Variants in GLTP observed in about 807,000 individuals in gnomAD.
The protein encoded by GLTP is glycolipid transfer protein.
GLTP carries 22 observed loss-of-function variants against 24.0 expected under a neutral mutation model. The observed-to-expected ratio is 0.92, with a 90% CI of 0.65 to 1.31. GLTP has a LOEUF of 1.31. GLTP is among the 50% of genes most tolerant of loss of function. The probability of loss-of-function intolerance (pLI) is 0.00; values close to 1 mark genes in which losing one functional copy is unlikely to be tolerated. For missense variants in GLTP, 224 were observed against 276.6 expected, an observed-to-expected ratio of 0.81 and a Z score of 1.35; for synonymous variants, 92 against 115.9, an observed-to-expected ratio of 0.79 and a Z score of 1.33.
rs941165420 is a variant in GLTP, at chr12:109,855,127, G to A, written c.447+492C>T. 1.3e-5 allele frequency among the ~76,000 whole-genome samples: 2 copies of A among 152,238 alleles called. No individual in the cohort carries two copies. The highest frequency in any genetic ancestry group is 4.8e-5 in the African/African-American group (2 of 41,468). ...CAACTGTAGGGCCCTCACCTAACCAGGCAGGTGCTGAAGCCTCACCTCCAG... is the reference window on the plus strand; with the variant it reads ...CAACTGTAGGGCCCTCACCTAACCAAGCAGGTGCTGAAGCCTCACCTCCAG... On this transcript the variant is annotated intron_variant, in intron 4 of 4. Coordinates refer to ENST00000318348, the MANE Select transcript of GLTP (RefSeq NM_016433.4). This position sits in a 1 kb window ranked among gnomAD's most constrained non-coding sequence, Gnocchi z 4.1.
rs146792003 is a variant in GLTP, at chr12:109,854,812, C to T, written c.447+807G>A. On this transcript the variant is annotated intron_variant, in intron 4 of 4. Coordinates refer to ENST00000318348, the MANE Select transcript of GLTP (RefSeq NM_016433.4). ...GGGGTGGATGGCCCAGGGGCTGCCA[C>T]GCATCTCACCCTATGACCAGCTCTT... Among the ~76,000 whole-genome samples, 154 of 152,302 alleles carry T rather than the reference C, an allele frequency of 1.0e-3. 1 individual carries two copies. In the East Asian group the frequency reaches 0.024, roughly 23 times the overall value.
In GLTP at chr12:109,877,712, A is replaced by G. The variant is rs547156332; in HGVS notation, c.103+2560T>C. On this transcript the variant is annotated intron_variant, in intron 1 of 4. Coordinates refer to ENST00000318348, the MANE Select transcript of GLTP (RefSeq NM_016433.4). The stretch of plus-strand genomic sequence containing the variant: ...CCTCACCCCAGAGCAGCTCCATTCA[A>G]GAGACACACACACCACCCAGATCAT... 5.9e-5 allele frequency among the ~76,000 whole-genome samples: 9 copies of G among 152,248 alleles called. No homozygotes were observed. In the East Asian group the frequency reaches 1.2e-3, roughly 20 times the overall value.
At chr12:109,865,020 G>A (rs865920157) in intron 1 of GLTP, among the ~76,000 whole-genome samples, 3 of 152,110 alleles carry the variant, frequency 2.0e-5, no homozygotes, top group Non-Finnish European at 4.4e-5. Context: ...GCCTCTAAGA[G>A]TTTAAATTCA....
chr12:109,854,973 G>A lies in GLTP; in HGVS notation c.447+646C>T, dbSNP rs184615023. On this transcript the variant is annotated intron_variant, in intron 4 of 4. Transcript: ENST00000318348. ...AGGCAGAGGGAGCTGCAGCAGAAAGGGTGGCCAGAACAGGCCGGGCAGGAA... is the reference window on the plus strand; with the variant it reads ...AGGCAGAGGGAGCTGCAGCAGAAAGAGTGGCCAGAACAGGCCGGGCAGGAA... Among the ~76,000 whole-genome samples, 358 of 152,346 alleles carry A rather than the reference G, an allele frequency of 2.3e-3. 1 individual carries two copies. The highest frequency in any genetic ancestry group is 8.5e-3 in the African/African-American group (353 of 41,590).
rs1892835355 is a variant in GLTP at position 109,858,733 on chromosome 12, C to G, written c.112G>C (p.Gly38Arg). 6.2e-7 allele frequency: 1 copy of G among 1,609,500 alleles called. No homozygotes were observed. The highest frequency in any genetic ancestry group is 8.5e-7 in the Non-Finnish European group (1 of 1,176,010). ...TTGATGGGAGTAAACACTGGGGACCCAAGGCAATCTGGGGACAAAATGAGA... is the reference window on the plus strand; with the variant it reads ...TTGATGGGAGTAAACACTGGGGACCGAAGGCAATCTGGGGACAAAATGAGA... ...SHLPPFFDCL[G>R]SPVFTPIKAD... The change falls in exon 2 of 5, where the codon GGG becomes CGG. Residue 38 changes from glycine to arginine, a missense_variant. Coordinates refer to ENST00000318348, the MANE Select transcript of GLTP (RefSeq NM_016433.4).
intron 4 of GLTP, among the ~76,000 whole-genome samples, chr12:109,853,983 C>T (rs570008502): frequency 7.4e-5 from 1 of 13,570 alleles, no homozygotes; most frequent in South Asian, 4.3e-3. Flanking sequence ...CTCAGGTGAT[C>T]CACCTACCTG....
At chr12:109,874,563 A>C (rs531496425) in intron 1 of GLTP, among the ~76,000 whole-genome samples, 1 of 152,146 alleles carries the variant, frequency 6.6e-6, no homozygotes, top group Non-Finnish European at 1.5e-5. Flanking sequence ...GACTCTCCCT[A>C]AACAGTGAGA....
At position 109,857,116 on chromosome 12, in the gene GLTP, C is replaced by T. The variant is rs754389786; in HGVS notation, c.296+410G>A. 6.6e-6 allele frequency among the ~76,000 whole-genome samples: 1 copy of T among 152,194 alleles called. No individual in the cohort carries two copies. Among genetic ancestry groups the T allele is most frequent in the African/African-American group, 2.4e-5 (1 of 41,452 alleles). ...ATAACATACAAATCCACTTTGTACG[C>T]GTGACCAGCCCTAAACAGGACACCT... On this transcript the variant is annotated intron_variant, in intron 3 of 4. Transcript: ENST00000318348. This position sits in a 1 kb window ranked among gnomAD's most constrained non-coding sequence, Gnocchi z 4.3.
At chr12:109,867,800 C>T (rs1334327804) in intron 1 of GLTP, among the ~76,000 whole-genome samples, 5 of 141,196 alleles carry the variant, frequency 3.5e-5, no homozygotes, top group South Asian at 2.2e-4. Context: ...TTTTTTGAGA[C>T]GGAGTCTCGC....
chr12:109,857,851 C>T lies in GLTP; in HGVS notation c.163-192G>A, dbSNP rs1004527134. On this transcript the variant is annotated intron_variant, in intron 2 of 4. Coordinates refer to ENST00000318348, the MANE Select transcript of GLTP (RefSeq NM_016433.4). This position sits in a 1 kb window ranked among gnomAD's most constrained non-coding sequence, Gnocchi z 4.3. Reference sequence around the variant, plus strand: ...GGATTTGCAAAATGCTTTACAGGCACTACCTTATATGATCCTGGTGGCAAA... The same window carrying T: ...GGATTTGCAAAATGCTTTACAGGCATTACCTTATATGATCCTGGTGGCAAA... The T allele has an allele frequency of 8.1e-6, 5 of 618,824 alleles. No individual in the cohort carries two copies. The highest frequency in any genetic ancestry group is 2.7e-5 in the Admixed American group (1 of 36,720). 38.3% of individuals were successfully genotyped at this position (618,824 alleles called of 1,614,324 possible). A position where few individuals can be genotyped will look rare whatever the true frequency, so the allele number is the denominator to read the frequency against.
intron 1 of GLTP, among the ~76,000 whole-genome samples, chr12:109,861,667 G>A (rs185369993): frequency 6.6e-6 from 1 of 152,232 alleles, no homozygotes; most frequent in East Asian, 1.9e-4. Context: ...AAAATCGCCT[G>A]AACCTGGGAG....
At chr12:109,852,913 A>G (rs1892745674) in intron 4 of GLTP, among the ~76,000 whole-genome samples, 176 bp from the exon 5 acceptor site, 1 of 151,516 alleles carries the variant, frequency 6.6e-6, no homozygotes, top group South Asian at 2.1e-4. Context: ...GACAGCAGGA[A>G]GGACATCAGC....
chr12:109,871,124 G>A (rs1315125367), intron 1 of GLTP, among the ~76,000 whole-genome samples: 2 of 120,932 alleles, frequency 1.7e-5, no homozygotes, highest in East Asian at 4.8e-4. Flanking sequence ...CTCTCGCTCT[G>A]TCCCAGGCTG....
intron 4 of GLTP, among the ~76,000 whole-genome samples, chr12:109,853,120 A>C (rs180927371): frequency 6.6e-6 from 1 of 152,298 alleles, no homozygotes; most frequent in African/African-American, 2.4e-5. Flanking sequence ...CCAGGCATAC[A>C]GTAGGCACTC....
chr12:109,867,429 G>A (rs1312813791), intron 1 of GLTP, among the ~76,000 whole-genome samples: 3 of 152,130 alleles, frequency 2.0e-5, no homozygotes, highest in East Asian at 3.9e-4. Flanking sequence ...AATTACAGGC[G>A]TGAGCTACCG....
At chr12:109,866,309 G>C (rs536328084) in intron 1 of GLTP, 1 of 152,170 alleles carries the variant, frequency 6.6e-6, no homozygotes, top group East Asian at 1.9e-4. Context: ...TTGACCTGCT[G>C]TTTCTGACCT....
intron 1 of GLTP, among the ~76,000 whole-genome samples, chr12:109,872,750 C>T (rs953142505): frequency 3.3e-5 from 5 of 152,252 alleles, no homozygotes; most frequent in Admixed American, 6.5e-5. Context: ...CTTCCTCCAA[C>T]AAGACATTAT....
Position 109,857,152 on chromosome 12 carries a change from C to T in GLTP, c.296+374G>A, listed in dbSNP as rs181176919. Among the ~76,000 whole-genome samples, 113 of 152,332 alleles carry T rather than the reference C, an allele frequency of 7.4e-4. No individual in the cohort carries two copies. Among genetic ancestry groups the T allele is most frequent in the East Asian group, 2.9e-3 (15 of 5,190 alleles). On this transcript the variant is annotated intron_variant, in intron 3 of 4. Transcript: ENST00000318348. The surrounding 1 kb of genome is among the most constrained non-coding windows in gnomAD (Gnocchi z 4.3). ...CTAAACAGGACACCTTTGTGCAGTA[C>T]GCAACCTGCATAACTGTGCTGGATG...
chr12:109,857,805 T>A lies in GLTP; in HGVS notation c.163-146A>T. ...CAGGGATAAGACTTGTAACAATAAC[T>A]ATGACTGTTCACATGAGCCAGGATT... is the stretch of plus-strand genomic sequence containing the variant. On this transcript the variant is annotated intron_variant, in intron 2 of 4. Coordinates refer to ENST00000318348, the MANE Select transcript of GLTP (RefSeq NM_016433.4). This position sits in a 1 kb window ranked among gnomAD's most constrained non-coding sequence, Gnocchi z 4.3. 1.3e-6 allele frequency: 1 copy of A among 790,722 alleles called. No individual in the cohort carries two copies. The allele number at this position is 790,722 out of a possible 1,614,324, so 49.0% of individuals were successfully genotyped here.
Sources: gnomAD v4.1 joint callset for allele counts (sites outside exome capture counted in the v4.1 genomes callset) on GRCh38, gnomAD v4.1.1 for gene constraint, Gnocchi (gnomAD v3.1) non-coding constraint, MANE v1.5 for transcripts, NCBI Gene and HGNC (gene_info 2026-07-23, HGNC 2026-07-21) for gene names.